Variants in COL27A1 observed in about 807,000 individuals in gnomAD.
COL27A1 encodes the protein collagen type XXVII alpha 1 chain.
A neutral mutation model predicts 251.3 loss-of-function variants in COL27A1; 106 were observed. The observed-to-expected ratio is 0.42, with a 90% CI of 0.36 to 0.50. The LOEUF (loss-of-function observed/expected upper bound fraction) is 0.50. Among genes scored for constraint, COL27A1 ranks in the 20% least tolerant of loss-of-function variants. The probability of loss-of-function intolerance (pLI) is 0.00; values close to 1 mark genes in which losing one functional copy is unlikely to be tolerated. For synonymous variants in COL27A1, 1,000 were observed against 986.3 expected, an observed-to-expected ratio of 1.01 and a Z score of -0.26; for missense variants, 2,325 against 2,522.8, an observed-to-expected ratio of 0.92 and a Z score of 1.68.
chr9:114,253,436 G>A (rs1461588457), intron 27 of COL27A1, among the ~76,000 whole-genome samples: 1 of 143,544 alleles, frequency 7.0e-6, no homozygotes, highest in Non-Finnish European at 1.5e-5. Flanking sequence ...AAAGAGGAGG[G>A]AGGGAGGGCG....
chr9:114,235,079 C>CAAAAAAAA lies in COL27A1; in HGVS notation c.2566-507_2566-500dup, dbSNP rs34337576. On this transcript the variant is annotated intron_variant, in intron 16 of 60. Transcript: ENST00000356083. Reference sequence around the variant, plus strand: ...GAGCAACTAGAGTGAGACTCCATCTCAAAAAAAAAAAAAAAAAAAATAGAC... The same window carrying CAAAAAAAA: ...GAGCAACTAGAGTGAGACTCCATCTCAAAAAAAAAAAAAAAAAAAAAAAAAAAATAGAC... Among the ~76,000 whole-genome samples the CAAAAAAAA allele has an allele frequency of 5.7e-5, 5 of 88,258 alleles. 1 individual carries two copies. Among genetic ancestry groups the CAAAAAAAA allele is most frequent in the Non-Finnish European group, 1.0e-4 (5 of 48,786 alleles). The allele number at this position is 88,258 out of a possible 152,430, so 57.9% of individuals were successfully genotyped here.
intron 57 of COL27A1, among the ~76,000 whole-genome samples, chr9:114,305,859 G>GCA (rs1461053401): frequency 6.6e-6 from 1 of 152,178 alleles, no homozygotes; most frequent in Non-Finnish European, 1.5e-5. Flanking sequence ...ACACATGCGT[G>GCA]CACACACACA....
rs1248369500 is a variant in COL27A1 at position 114,168,053 on chromosome 9, C to T, written c.498C>T (p.Arg166=). Residue 166 remains arginine, a synonymous_variant, in exon 3 of 61, where the codon CGC becomes CGT. Transcript: ENST00000356083. ...WHHLALELRG[R]TVTLVTACGQ... ...ACCTGGCCCTCGAGCTCCGAGGCCG[C>T]ACAGTCACTCTGGTGACTGCCTGCG... 5 of 1,608,072 alleles carry T rather than the reference C, an allele frequency of 3.1e-6. No homozygotes were observed. The East Asian group carries it at 1.1e-4, about 36-fold the overall frequency.
At chr9:114,277,467 TC>T (rs1029121883) in intron 37 of COL27A1, among the ~76,000 whole-genome samples, 1 of 152,054 alleles carries the variant, frequency 6.6e-6, no homozygotes, top group Non-Finnish European at 1.5e-5. Context: ...ACACTGTTTT[TC>T]CCCCCTGAAG....
chr9:114,281,065 A>G (rs1037772845), intron 37 of COL27A1, among the ~76,000 whole-genome samples: 1 of 152,168 alleles, frequency 6.6e-6, no homozygotes, highest in Admixed American at 6.5e-5. Context: ...CTTAAAGTAC[A>G]ATACCTATTC....
At chr9:114,192,712 G>A (rs1828828774) in intron 5 of COL27A1, among the ~76,000 whole-genome samples, 1 of 152,180 alleles carries the variant, frequency 6.6e-6, no homozygotes, top group African/African-American at 2.4e-5. Context: ...TGGAACAAAT[G>A]GGTGCTATGA....
Position 114,307,734 on chromosome 9 carries a change from A to G in COL27A1, c.5173A>G (p.Thr1725Ala), listed in dbSNP as rs1163689376. The G allele has an allele frequency of 2.5e-6, 4 of 1,613,690 alleles. No homozygotes were observed. In the Admixed American group the frequency reaches 6.7e-5, roughly 27 times the overall value. Residue 1725 changes from threonine to alanine, a missense_variant, in exon 59 of 61, where the codon ACT (threonine) becomes GCT (alanine). Transcript: ENST00000356083. ...CACCATCGAGGTCTCCTGCAACTTC[A>G]CTCATGGTGGACAGACGTGTCTCAA... ...SDTIEVSCNF[T>A]HGGQTCLKPI...
In COL27A1 at chr9:114,168,511, A is replaced by G; in HGVS notation, c.956A>G (p.Gln319Arg). The G allele has an allele frequency of 1.2e-6, 2 of 1,613,696 alleles. No homozygotes were observed. The highest frequency in any genetic ancestry group is 1.7e-6 in the Non-Finnish European group (2 of 1,179,838). The change falls in exon 3 of 61, where the codon CAA (glutamine) becomes CGA (arginine). Residue 319 changes from glutamine to arginine, a missense_variant. Transcript: ENST00000356083. ...HQHMAVGGPAQTPLLPAKLSA... is the reference protein window; with the variant it reads ...HQHMAVGGPARTPLLPAKLSA... ...CATATGGCGGTGGGAGGCCCAGCCC[A>G]AACCCCGCTGCTACCTGCCAAGCTG... is the stretch of plus-strand genomic sequence containing the variant.
chr9:114,280,377 A>G (rs1229108187), intron 37 of COL27A1, among the ~76,000 whole-genome samples: 1 of 152,052 alleles, frequency 6.6e-6, no homozygotes, highest in Non-Finnish European at 1.5e-5. Context: ...TAATTTTTGT[A>G]TTTTTAGTAG....
chr9:114,210,379 A>G (rs1830262726), intron 11 of COL27A1, among the ~76,000 whole-genome samples: 1 of 152,222 alleles, frequency 6.6e-6, no homozygotes, highest in Non-Finnish European at 1.5e-5. Flanking sequence ...CAGTTGGTTT[A>G]CTTGAGTAAA....
At chr9:114,284,384 C>G (rs1231131513) in intron 40 of COL27A1, among the ~76,000 whole-genome samples, 1 of 152,204 alleles carries the variant, frequency 6.6e-6, no homozygotes, top group Non-Finnish European at 1.5e-5. Flanking sequence ...GCAGGCCTAG[C>G]CAAAGCCTGG....
At chr9:114,239,759 C>T (rs77342691) in intron 19 of COL27A1, among the ~76,000 whole-genome samples, 4,462 of 152,256 alleles carry the variant, frequency 0.029, 213 homozygotes, top group African/African-American at 0.098. Context: ...ATGACTGGAG[C>T]TGAGGTTAAT....
chr9:114,289,177 G>T, intron 44 of COL27A1, 65 bp from the exon 45 acceptor site: 7 of 1,464,990 alleles, frequency 4.8e-6, no homozygotes, highest in Non-Finnish European at 5.6e-6. Context: ...TCCAGGCGGA[G>T]ACTGGCCACC....
At position 114,310,908 on chromosome 9, in the gene COL27A1, G is replaced by C; in HGVS notation, c.*213G>C. 2.0e-6 allele frequency: 1 copy of C among 492,326 alleles called. No homozygotes were observed. Among genetic ancestry groups the C allele is most frequent in the Non-Finnish European group, 3.6e-6 (1 of 279,702 alleles). The allele number at this position is 492,326 out of a possible 1,614,324, so 30.5% of individuals were successfully genotyped here. ...CAATGGATCCCAGCTTAGCCCCAAAGACCAACCAAAGAGCCAGCCAGAGTA... is the reference window on the plus strand; with the variant it reads ...CAATGGATCCCAGCTTAGCCCCAAACACCAACCAAAGAGCCAGCCAGAGTA... On this transcript the variant is annotated 3_prime_UTR_variant, in exon 61 of 61. Coordinates refer to ENST00000356083, the MANE Select transcript of COL27A1 (RefSeq NM_032888.4).
At chr9:114,267,629 A>G (rs1648452441) in intron 34 of COL27A1, 72 bp downstream of exon 34, 3 of 1,364,824 alleles carry the variant, frequency 2.2e-6, no homozygotes, top group African/African-American at 1.5e-5. Context: ...CATCCTCTCC[A>G]TGGAAGAGAA....
intron 7 of COL27A1, among the ~76,000 whole-genome samples, chr9:114,197,366 C>A (rs1451757381): frequency 2.6e-5 from 4 of 152,168 alleles, no homozygotes; most frequent in Non-Finnish European, 4.4e-5. Flanking sequence ...ATACCTTCAA[C>A]CTGAGAGGCC....
intron 16 of COL27A1, among the ~76,000 whole-genome samples, chr9:114,233,470 T>C (rs1388094): frequency 0.75 from 114,279 of 152,166 alleles, 43,285 homozygotes; most frequent in South Asian, 0.86. Flanking sequence ...TGCTACACCT[T>C]TCTGCCAGAG....
At chr9:114,194,529 C>T in intron 6 of COL27A1, 72 bp downstream of exon 6, 17 of 1,335,522 alleles carry the variant, frequency 1.3e-5, no homozygotes, top group Non-Finnish European at 1.8e-5. Context: ...CACTTTAAAG[C>T]TAGCTGTCCT....
intron 7 of COL27A1, among the ~76,000 whole-genome samples, chr9:114,196,450 A>G (rs542727193): frequency 1.3e-5 from 2 of 152,188 alleles, no homozygotes; most frequent in African/African-American, 2.4e-5. Flanking sequence ...CCCGTCTCTG[A>G]CCCTGCACAG....
Sources: allele counts gnomAD v4.1 joint callset (sites outside exome capture counted in the v4.1 genomes callset), GRCh38; gene constraint gnomAD v4.1.1; transcripts MANE v1.5; gene names NCBI Gene and HGNC (gene_info 2026-07-23, HGNC 2026-07-21).